MAGI3: variants seen among roughly 807,000 people sequenced by gnomAD.
MAGI3 encodes membrane associated guanylate kinase, WW and PDZ domain containing 3, also known as membrane-associated guanylate kinase, WW and PDZ domain-containing protein 3.
Under a neutral mutation model 121.8 loss-of-function variants are expected in MAGI3, and 43 were observed. The ratio of observed to expected loss-of-function variants is 0.35; its 90% CI spans 0.28 to 0.46. The LOEUF (loss-of-function observed/expected upper bound fraction) is 0.46. MAGI3 is among the 20% of genes least tolerant of loss of function. The probability of loss-of-function intolerance (pLI) is 1.00; values close to 1 mark genes in which losing one functional copy is unlikely to be tolerated. For synonymous variants in MAGI3, 553 were observed against 639.3 expected, an observed-to-expected ratio of 0.86 and a Z score of 2.04; for missense variants, 1,547 against 1,797.3, an observed-to-expected ratio of 0.86 and a Z score of 2.52.
intron 6 of MAGI3, among the ~76,000 whole-genome samples, chr1:113,599,824 A>G (rs1331163226): frequency 6.6e-6 from 1 of 151,954 alleles, no homozygotes; most frequent in African/African-American, 2.4e-5. Context: ...AATCCTCAAT[A>G]AAATACTGGC....
chr1:113,535,603 C>A (rs1658937598), intron 1 of MAGI3, among the ~76,000 whole-genome samples: 1 of 152,066 alleles, frequency 6.6e-6, no homozygotes, highest in South Asian at 2.1e-4. Flanking sequence ...CTTAGTAGAT[C>A]TTTTTCTAAG....
rs1228375415 is a variant in MAGI3, at chr1:113,390,927, C to G, written c.-107C>G. 1.1e-6 allele frequency: 1 copy of G among 895,336 alleles called. No individual in the cohort carries two copies. Among genetic ancestry groups the G allele is most frequent in the South Asian group, 5.1e-5 (1 of 19,690 alleles). 55.5% of individuals were successfully genotyped at this position (895,336 alleles called of 1,614,324 possible). A position where few individuals can be genotyped will look rare whatever the true frequency, so the allele number is the denominator to read the frequency against. The stretch of plus-strand genomic sequence containing the variant: ...GTGGGGGCCGGAGCGGCGAGGCCCC[C>G]CTTACCGGGCTGCGCGGGCCGCCCA... On this transcript the variant is annotated 5_prime_UTR_variant, in exon 1 of 21. Coordinates refer to ENST00000307546, the MANE Select transcript of MAGI3 (RefSeq NM_001142782.2).
intron 16 of MAGI3, among the ~76,000 whole-genome samples, chr1:113,662,875 CT>C (rs562903320): frequency 1.7e-4 from 25 of 151,282 alleles, no homozygotes; most frequent in Admixed American, 1.4e-3. Context: ...TAGCTGTTGT[CT>C]TTTTTTTCTT....
chr1:113,565,794 A>G (rs1191495068), intron 2 of MAGI3, among the ~76,000 whole-genome samples: 4 of 152,208 alleles, frequency 2.6e-5, no homozygotes, highest in African/African-American at 9.7e-5. Context: ...CCATGAGCAC[A>G]CACTTGTGGG....
chr1:113,527,815 C>T (rs1214459869), intron 1 of MAGI3, among the ~76,000 whole-genome samples: 1 of 152,072 alleles, frequency 6.6e-6, no homozygotes, highest in Non-Finnish European at 1.5e-5. Flanking sequence ...TCTTAAGTAC[C>T]TATTGCTAGA....
chr1:113,646,709 G>C, intron 12 of MAGI3, 67 bp downstream of exon 12: 1 of 1,222,938 alleles, frequency 8.2e-7, no homozygotes, highest in African/African-American at 1.5e-5. Flanking sequence ...TTTAGACTAG[G>C]ACCTTCCCAT....
At chr1:113,646,464 G>A (rs769633346) in intron 11 of MAGI3, 22 bp from the exon 12 acceptor site, 3 of 1,571,218 alleles carry the variant, frequency 1.9e-6, no homozygotes, top group South Asian at 2.4e-5. Flanking sequence ...AAAATACTAA[G>A]TAAGGCTCTT....
intron 1 of MAGI3, among the ~76,000 whole-genome samples, chr1:113,437,866 CTTCTTCTT>C (rs1557757113): frequency 0.014 from 222 of 15,642 alleles, 6 homozygotes; most frequent in African/African-American, 0.023. Flanking sequence ...TCTTCTTCCT[CTTCTTCTT>C]CTTCTCCTTC....
chr1:113,644,672 C>T (rs1488061600), intron 11 of MAGI3, among the ~76,000 whole-genome samples: 1 of 152,166 alleles, frequency 6.6e-6, no homozygotes, highest in Non-Finnish European at 1.5e-5. Flanking sequence ...TCTTCTTTGG[C>T]ATTCTTCTAA....
intron 1 of MAGI3, among the ~76,000 whole-genome samples, chr1:113,464,223 C>T (rs1241658109): frequency 2.6e-5 from 4 of 152,084 alleles, no homozygotes; most frequent in African/African-American, 9.7e-5. Context: ...ACTTTTTTGG[C>T]TCCCACATAT....
intron 16 of MAGI3, among the ~76,000 whole-genome samples, chr1:113,666,853 G>C (rs1654067934): frequency 6.6e-6 from 1 of 152,194 alleles, no homozygotes; most frequent in African/African-American, 2.4e-5. Context: ...CAGAATGGAT[G>C]TTGTATTGGA....
intron 1 of MAGI3, among the ~76,000 whole-genome samples, chr1:113,418,566 A>G (rs1330475890): frequency 1.3e-5 from 2 of 152,034 alleles, no homozygotes; most frequent in African/African-American, 4.8e-5. Flanking sequence ...TTCATTTGTA[A>G]TACTGCCTTG....
intron 1 of MAGI3, among the ~76,000 whole-genome samples, chr1:113,421,103 C>T (rs1652712837): frequency 6.6e-6 from 1 of 151,992 alleles, no homozygotes; most frequent in Non-Finnish European, 1.5e-5. Flanking sequence ...ACCAGTCTGG[C>T]ATAGTGCAGC....
chr1:113,451,528 C>G (rs952949112), intron 1 of MAGI3, among the ~76,000 whole-genome samples: 2 of 152,084 alleles, frequency 1.3e-5, no homozygotes, highest in Non-Finnish European at 2.9e-5. Context: ...TTTTTGATGC[C>G]AAGTGTTCTC....
chr1:113,553,094 T>C (rs577952794), intron 2 of MAGI3, among the ~76,000 whole-genome samples: 1 of 152,274 alleles, frequency 6.6e-6, no homozygotes, highest in East Asian at 1.9e-4. Flanking sequence ...AAGAGGGCAC[T>C]TCTATTATTG....
At chr1:113,433,736 A>G (rs1330937071) in intron 1 of MAGI3, among the ~76,000 whole-genome samples, 2 of 152,200 alleles carry the variant, frequency 1.3e-5, no homozygotes, top group African/African-American at 4.8e-5. Flanking sequence ...GTGACTTAAC[A>G]CGGTATATTC....
chr1:113,461,541 A>G (rs1570709764), intron 1 of MAGI3, among the ~76,000 whole-genome samples: 1 of 152,248 alleles, frequency 6.6e-6, no homozygotes, highest in African/African-American at 2.4e-5. Flanking sequence ...TTGAAGCTGG[A>G]TCCCTTCCTT....
At chr1:113,638,601 A>C (rs1652211310) in intron 9 of MAGI3, among the ~76,000 whole-genome samples, 1 of 152,158 alleles carries the variant, frequency 6.6e-6, no homozygotes, top group Non-Finnish European at 1.5e-5. Context: ...GTTTTTTCTC[A>C]GAGGAGTACC....
At chr1:113,414,730 CTATTT>C (rs1419254983) in intron 1 of MAGI3, among the ~76,000 whole-genome samples, 2 of 151,588 alleles carry the variant, frequency 1.3e-5, no homozygotes, top group East Asian at 1.9e-4. Flanking sequence ...GTTGAGTCTT[CTATTT>C]TATTTTATAA....
Sources: allele counts gnomAD v4.1 joint callset (sites outside exome capture counted in the v4.1 genomes callset), GRCh38; gene constraint gnomAD v4.1.1; transcripts MANE v1.5; gene names NCBI Gene and HGNC (gene_info 2026-07-23, HGNC 2026-07-21).